Variants in PAMR1 observed in about 807,000 individuals in gnomAD.
The protein encoded by PAMR1 is peptidase domain containing associated with muscle regeneration 1.
A neutral mutation model predicts 81.8 loss-of-function variants in PAMR1; 88 were observed. The observed-to-expected ratio is 1.08, with a 90% CI of 0.91 to 1.28. The LOEUF (loss-of-function observed/expected upper bound fraction) is 1.28, where lower values mean the gene tolerates loss of function less well. Among genes scored for constraint, PAMR1 ranks in the 50% most tolerant of loss-of-function variants. PAMR1 has a pLI of 0.00. For synonymous variants in PAMR1, 336 were observed against 345.3 expected, an observed-to-expected ratio of 0.97 and a Z score of 0.30; for missense variants, 935 against 919.7, an observed-to-expected ratio of 1.02 and a Z score of -0.21.
chr11:35,463,858 G>A (rs545963620), intron 6 of PAMR1, among the ~76,000 whole-genome samples: 4 of 152,164 alleles, frequency 2.6e-5, no homozygotes, highest in Non-Finnish European at 5.9e-5. Flanking sequence ...TGATTATTTT[G>A]CATTCTTTAT....
intron 6 of PAMR1, among the ~76,000 whole-genome samples, chr11:35,449,346 A>T (rs1008022502): frequency 1.3e-4 from 20 of 152,030 alleles, no homozygotes; most frequent in Admixed American, 1.2e-3. Context: ...TGAACAGGAG[A>T]TCATGACCGC....
Position 35,525,197 on chromosome 11 carries a change from G to T in PAMR1, c.73+316C>A, listed in dbSNP as rs1851362792. On this transcript the variant is annotated intron_variant, in intron 1 of 10. Transcript: ENST00000619888. ...GGTAACTCAGAATTGATTCCCTAAG[G>T]CAATTTGGTACTTTTAAAATGATAA... 2.0e-5 allele frequency among the ~76,000 whole-genome samples: 3 copies of T among 152,184 alleles called. No individual in the cohort carries two copies. The South Asian group carries it at 6.2e-4, about 32-fold the overall frequency.
At chr11:35,495,339 G>GAA (rs57201561) in intron 1 of PAMR1, among the ~76,000 whole-genome samples, 2 of 133,028 alleles carry the variant, frequency 1.5e-5, no homozygotes, top group Non-Finnish European at 3.3e-5. Flanking sequence ...TTTCTCATAA[G>GAA]AAAAAAAAAA....
At chr11:35,515,244 T>A (rs1219451218) in intron 1 of PAMR1, among the ~76,000 whole-genome samples, 1 of 152,210 alleles carries the variant, frequency 6.6e-6, no homozygotes, top group South Asian at 2.1e-4. Context: ...TCTGCCACTG[T>A]CTACCTCTTT....
intron 3 of PAMR1, among the ~76,000 whole-genome samples, chr11:35,477,395 G>T (rs1850303084): frequency 6.6e-6 from 1 of 152,236 alleles, no homozygotes; most frequent in Non-Finnish European, 1.5e-5. Context: ...ACTAAAGATG[G>T]AGAAGTTAAG....
At chr11:35,478,404 C>A (rs1850321245) in intron 3 of PAMR1, among the ~76,000 whole-genome samples, 1 of 152,214 alleles carries the variant, frequency 6.6e-6, no homozygotes, top group African/African-American at 2.4e-5. Flanking sequence ...CATCTCCATT[C>A]TTCTTAATGA....
chr11:35,464,591 G>A (rs972823245), intron 6 of PAMR1, among the ~76,000 whole-genome samples: 1 of 152,092 alleles, frequency 6.6e-6, no homozygotes, highest in African/African-American at 2.4e-5. Context: ...AATGTCCCCT[G>A]TGAGTAGAGA....
At chr11:35,506,847 T>C (rs569131385) in intron 1 of PAMR1, among the ~76,000 whole-genome samples, 26 of 149,644 alleles carry the variant, frequency 1.7e-4, no homozygotes, top group African/African-American at 5.9e-4. Context: ...TATTTATATC[T>C]TTCTTAAGTT....
chr11:35,436,013 G>T lies in PAMR1; in HGVS notation c.1223C>A (p.Thr408Asn). The change falls in exon 9 of 11, where the codon ACC becomes AAC. Residue 408 changes from threonine (T) to asparagine (N), a missense_variant. Physicochemically the swap from Thr to Asn is moderately conservative, Grantham distance 65. Transcript: ENST00000619888. ...TGAGATGCACTCATACTGGAGCTGGGTATGCAGATGTTGGTATCCCATGGG... is the reference window on the plus strand; with the variant it reads ...TGAGATGCACTCATACTGGAGCTGGTTATGCAGATGTTGGTATCCCATGGG... ...DLPMGYQHLHTQLQYECISPF... is the reference protein window; with the variant it reads ...DLPMGYQHLHNQLQYECISPF... 2 of 1,614,134 alleles carry T rather than the reference G, an allele frequency of 1.2e-6. No homozygotes were observed. Among genetic ancestry groups the T allele is most frequent in the Middle Eastern group, 1.6e-4 (1 of 6,062 alleles).
rs146025841 is a variant in PAMR1 at position 35,448,400 on chromosome 11, C to A, written c.821-6707G>T. On this transcript the variant is annotated intron_variant, in intron 6 of 10. Transcript: ENST00000619888. ...ATTTCAGCAGGATAGTTTTAATGTT[C>A]TGAGATTCTCTCCTCCATTTTGTCT... 2.2e-3 allele frequency among the ~76,000 whole-genome samples: 340 copies of A among 151,760 alleles called. 1 individual carries two copies. Among genetic ancestry groups the A allele is most frequent in the African/African-American group, 7.8e-3 (322 of 41,356 alleles).
At chr11:35,477,394 G>T (rs1850303035) in intron 3 of PAMR1, among the ~76,000 whole-genome samples, 1 of 152,216 alleles carries the variant, frequency 6.6e-6, no homozygotes, top group Non-Finnish European at 1.5e-5. Flanking sequence ...CACTAAAGAT[G>T]GAGAAGTTAA....
At chr11:35,436,161 G>C in intron 8 of PAMR1, 26 bp from the exon 9 acceptor site, 24 of 1,484,730 alleles carry the variant, frequency 1.6e-5, no homozygotes, top group Non-Finnish European at 2.3e-5. Flanking sequence ...TGGGCCCAGA[G>C]AAAGAGCAGG....
intron 1 of PAMR1, among the ~76,000 whole-genome samples, chr11:35,508,221 C>T (rs1357346299): frequency 6.6e-6 from 1 of 152,082 alleles, no homozygotes; most frequent in East Asian, 1.9e-4. Flanking sequence ...GCTGGTTATC[C>T]ACCTCAATAT....
At chr11:35,470,200 TAGA>T (rs1856827783) in intron 5 of PAMR1, among the ~76,000 whole-genome samples, 1 of 152,142 alleles carries the variant, frequency 6.6e-6, no homozygotes, top group African/African-American at 2.4e-5. Context: ...CCCAGTGGGG[TAGA>T]AGAACTTACC....
In PAMR1 at chr11:35,474,699, T is replaced by C. The variant is rs755617898; in HGVS notation, c.425A>G (p.Glu142Gly). Residue 142 changes from glutamate to glycine, a missense_variant, in exon 4 of 11, where the codon GAA (glutamate) becomes GGA (glycine). Glu to Gly is a moderately conservative substitution (Grantham distance 98). Coordinates refer to ENST00000619888, the MANE Select transcript of PAMR1 (RefSeq NM_001001991.3). The stretch of plus-strand genomic sequence containing the variant: ...ACAGTGAGCATTTAGGGGATAGCTT[T>C]CCAACAAAATCTGACCCTTTGGGGC... ...LRAPKGQILLESYPLNAHCEW... is the reference protein window; with the variant it reads ...LRAPKGQILLGSYPLNAHCEW... 4 of 1,611,248 alleles carry C rather than the reference T, an allele frequency of 2.5e-6. No individual in the cohort carries two copies. The highest frequency in any genetic ancestry group is 2.5e-6 in the Non-Finnish European group (3 of 1,179,018).
intron 6 of PAMR1, among the ~76,000 whole-genome samples, chr11:35,445,506 T>A (rs1856271405): frequency 6.6e-6 from 1 of 152,210 alleles, no homozygotes; most frequent in Admixed American, 6.5e-5. Flanking sequence ...TTTTGAGGTA[T>A]GTTCCTGCTT....
intron 6 of PAMR1, among the ~76,000 whole-genome samples, chr11:35,466,198 C>A (rs1856753449): frequency 6.6e-6 from 1 of 152,138 alleles, no homozygotes; most frequent in African/African-American, 2.4e-5. Flanking sequence ...GCTCTACATA[C>A]AAATTCTTGA....
At chr11:35,492,936 G>A (rs754706280) in intron 2 of PAMR1, among the ~76,000 whole-genome samples, 32 of 152,180 alleles carry the variant, frequency 2.1e-4, no homozygotes, top group African/African-American at 3.4e-4. Context: ...CTCTGCCATC[G>A]TGCAGCTGTG....
chr11:35,461,368 A>G (rs1856651038), intron 6 of PAMR1, among the ~76,000 whole-genome samples: 1 of 152,146 alleles, frequency 6.6e-6, no homozygotes, highest in South Asian at 2.1e-4. Context: ...TCACTTTGGT[A>G]TTTGGCTCTA....
Sources: gnomAD v4.1 joint callset for allele counts (sites outside exome capture counted in the v4.1 genomes callset) on GRCh38, gnomAD v4.1.1 for gene constraint, MANE v1.5 for transcripts, NCBI Gene and HGNC (gene_info 2026-07-23, HGNC 2026-07-21) for gene names.